The following CLOCK variants were observed in gnomAD, a reference collection of about 807,000 sequenced individuals.
CLOCK encodes clock circadian regulator.
A neutral mutation model predicts 118.4 loss-of-function variants in CLOCK; 43 were observed. That is an observed-to-expected ratio of 0.36 (90% CI 0.28 to 0.47). The LOEUF is 0.47. Among genes scored for constraint, CLOCK ranks in the 20% least tolerant of loss-of-function variants. The probability of loss-of-function intolerance (pLI) is 1.00; values close to 1 mark genes in which losing one functional copy is unlikely to be tolerated. For missense variants in CLOCK, 846 were observed against 999.9 expected (o/e 0.85, Z 2.08); for synonymous variants, 326 against 339.2 (o/e 0.96, Z 0.43).
At chr4:55,463,013 T>G (rs1379650482) in intron 9 of CLOCK, among the ~76,000 whole-genome samples, 2 of 152,172 alleles carry the variant, frequency 1.3e-5, no homozygotes, top group African/African-American at 2.4e-5. Flanking sequence ...AATGGTGAAA[T>G]GTACTGCTGT....
chr4:55,529,969 C>T (rs751507200), intron 1 of CLOCK, among the ~76,000 whole-genome samples: 73 of 152,058 alleles, frequency 4.8e-4, no homozygotes, highest in Middle Eastern at 3.2e-3. Context: ...AGACAGAAAA[C>T]TTGAGAAAAG....
chr4:55,510,629 TAAAAAA>T (rs3842583), intron 1 of CLOCK, among the ~76,000 whole-genome samples: 1 of 104,310 alleles, frequency 9.6e-6, no homozygotes, highest in Non-Finnish European at 1.8e-5. Flanking sequence ...TCTGTCTTTT[TAAAAAA>T]AAAAAAAAAA....
In CLOCK at chr4:55,449,359, A is replaced by C. The variant is rs759077911; in HGVS notation, c.1449+37T>G. On this transcript the variant is annotated intron_variant, in intron 17 of 22. Coordinates refer to ENST00000513440, the MANE Select transcript of CLOCK (RefSeq NM_004898.4). ...TTAGATCATTTTTCCCCTCTTAATA[A>C]ATCTTTATTCAGAAGAATATCCACT... 8 of 1,537,506 alleles carry C rather than the reference A, an allele frequency of 5.2e-6. No homozygotes were observed. In the Admixed American group the frequency reaches 1.2e-4, roughly 22 times the overall value.
chr4:55,448,492 C>T (rs1478485459), intron 18 of CLOCK, among the ~76,000 whole-genome samples: 2 of 151,896 alleles, frequency 1.3e-5, no homozygotes, highest in African/African-American at 4.8e-5. Context: ...CCAGTGATAC[C>T]CCACAATCAT....
At chr4:55,468,099 T>A (rs141566837) in intron 8 of CLOCK, among the ~76,000 whole-genome samples, 4 of 152,224 alleles carry the variant, frequency 2.6e-5, no homozygotes, top group African/African-American at 9.6e-5. Context: ...CAGAATTACT[T>A]TACCCTGTTA....
At chr4:55,455,389 G>A (rs1724850738) in intron 13 of CLOCK, among the ~76,000 whole-genome samples, 1 of 152,172 alleles carries the variant, frequency 6.6e-6, no homozygotes, top group South Asian at 2.1e-4. Context: ...CTGTGATGGA[G>A]AATAATGAAG....
chr4:55,521,765 T>C (rs1483820710), intron 1 of CLOCK, among the ~76,000 whole-genome samples: 3 of 152,222 alleles, frequency 2.0e-5, no homozygotes, highest in Non-Finnish European at 2.9e-5. Context: ...ATGGATGCTA[T>C]GCAATTTTTA....
At chr4:55,503,807 T>C (rs1486193231) in intron 2 of CLOCK, among the ~76,000 whole-genome samples, 2 of 151,894 alleles carry the variant, frequency 1.3e-5, no homozygotes, top group African/African-American at 4.8e-5. Context: ...ATCCTTCCCA[T>C]AACATGAGGT....
chr4:55,485,114 C>A (rs62303724), intron 3 of CLOCK, among the ~76,000 whole-genome samples: 24,744 of 151,954 alleles, frequency 0.16, 2,535 homozygotes, highest in Non-Finnish European at 0.21. Flanking sequence ...CAGGCCCAGA[C>A]CACCACAAGC....
chr4:55,535,215 T>C (rs901980386), intron 1 of CLOCK, among the ~76,000 whole-genome samples: 2 of 137,514 alleles, frequency 1.5e-5, no homozygotes, highest in South Asian at 2.2e-4. Context: ...TTCTTGATTA[T>C]GGTGATTACA....
At chr4:55,448,619 T>C (rs866618800) in intron 18 of CLOCK, among the ~76,000 whole-genome samples, 160 bp downstream of exon 18, 3,312 of 150,434 alleles carry the variant, frequency 0.022, 131 homozygotes, top group African/African-American at 0.077. Context: ...TGTGTGTGTG[T>C]GTGTGTGTGT....
At chr4:55,544,001 C>A (rs766609891) in intron 1 of CLOCK, among the ~76,000 whole-genome samples, 6 of 152,158 alleles carry the variant, frequency 3.9e-5, no homozygotes, top group Non-Finnish European at 8.8e-5. Flanking sequence ...CTATTCACTA[C>A]TTTCATTACA....
chr4:55,538,762 A>G (rs1731065842), intron 1 of CLOCK, among the ~76,000 whole-genome samples: 1 of 152,254 alleles, frequency 6.6e-6, no homozygotes, highest in Non-Finnish European at 1.5e-5. Context: ...AGAGTCTTAA[A>G]ATTAGCCAAG....
intron 18 of CLOCK, among the ~76,000 whole-genome samples, 164 bp downstream of exon 18, chr4:55,448,591 CGCACGCGCGCGTGTGTGTGTGTGT>C (rs1288814207): frequency 1.2e-5 from 1 of 81,048 alleles, no homozygotes; most frequent in African/African-American, 4.1e-5. Flanking sequence ...TGTGCGCGCG[CGCACGCGCGCGTGTGTGTGTGTGT>C]GTGTGTGTGT....
rs1034983347 is a variant in CLOCK, at chr4:55,459,995, C to T, written c.560-734G>A. On this transcript the variant is annotated intron_variant, in intron 9 of 22. Transcript: ENST00000513440. ...TACTTTTAAATTTGCTCACGTCTTCCATCTGAAATAAAGGAGTTTCACTAA... is the reference window on the plus strand; with the variant it reads ...TACTTTTAAATTTGCTCACGTCTTCTATCTGAAATAAAGGAGTTTCACTAA... 3.3e-5 allele frequency among the ~76,000 whole-genome samples: 5 copies of T among 152,164 alleles called. 1 individual carries two copies. The highest frequency in any genetic ancestry group is 2.0e-4 in the Admixed American group (3 of 15,268).
chr4:55,438,231 A>G, intron 22 of CLOCK, 51 bp downstream of exon 22: 2 of 1,600,130 alleles, frequency 1.2e-6, no homozygotes, highest in Non-Finnish European at 1.7e-6. Context: ...GCTTAATTTC[A>G]TTACATGAAA....
chr4:55,475,990 A>G lies in CLOCK; in HGVS notation c.321T>C (p.Asn107=). 6.2e-7 allele frequency: 1 copy of G among 1,612,486 alleles called. No individual in the cohort carries two copies. The highest frequency in any genetic ancestry group is 8.5e-7 in the Non-Finnish European group (1 of 1,178,700). The change falls in exon 7 of 23, where the codon AAT becomes AAC. Residue 107 remains asparagine, a synonymous_variant. Coordinates refer to ENST00000513440, the MANE Select transcript of CLOCK (RefSeq NM_004898.4). ...RQDWKPTFLS[N]EEFTQLMLEA... ...CTAACATTAATTGTGTAAACTCTTC[A>G]TTACTAAGGAATGTAGGTTTCCAGT...
At chr4:55,515,957 T>C (rs1009101130) in intron 1 of CLOCK, among the ~76,000 whole-genome samples, 6 of 152,344 alleles carry the variant, frequency 3.9e-5, no homozygotes, top group Non-Finnish European at 7.3e-5. Context: ...ATTTTTTTAA[T>C]AGATTTCTTG....
intron 2 of CLOCK, among the ~76,000 whole-genome samples, chr4:55,492,035 T>C (rs1358109256): frequency 1.3e-5 from 2 of 152,178 alleles, no homozygotes; most frequent in Non-Finnish European, 2.9e-5. Flanking sequence ...GGGAACATTT[T>C]CAAACTCTTT....
Sources: allele counts gnomAD v4.1 joint callset (sites outside exome capture counted in the v4.1 genomes callset), GRCh38; gene constraint gnomAD v4.1.1; transcripts MANE v1.5; gene names NCBI Gene and HGNC (gene_info 2026-07-23, HGNC 2026-07-21).